The following THSD7A variants were observed in gnomAD, a reference collection of about 807,000 sequenced individuals.
THSD7A encodes the protein thrombospondin type 1 domain containing 7A.
A neutral mutation model predicts 231.3 loss-of-function variants in THSD7A; 96 were observed. The ratio of observed to expected loss-of-function variants is 0.41; its 90% CI spans 0.35 to 0.49. THSD7A has a LOEUF of 0.49. THSD7A is among the 20% of genes least tolerant of loss of function. THSD7A has a pLI of 0.05. For missense variants in THSD7A, 2,290 were observed against 2,070.2 expected, an observed-to-expected ratio of 1.11 and a Z score of -2.06; for synonymous variants, 940 against 743.3, an observed-to-expected ratio of 1.26 and a Z score of -4.30.
rs777139254 is a variant in THSD7A, at chr7:11,713,126, G to C, written c.191-76165C>G. ...CTTGATCTATAGTTCCAAAGCCATG[G>C]CTCATTAATTAGCACAGTTCTGCAT... On this transcript the variant is annotated intron_variant, in intron 1 of 27. Transcript: ENST00000423059. Among the ~76,000 whole-genome samples, 7 of 151,236 alleles carry C rather than the reference G, an allele frequency of 4.6e-5. No individual in the cohort carries two copies. The South Asian group carries it at 1.5e-3, about 31-fold the overall frequency.
At chr7:11,652,255 G>GA (rs796997435) in intron 1 of THSD7A, among the ~76,000 whole-genome samples, 6 of 151,764 alleles carry the variant, frequency 4.0e-5, no homozygotes, top group Admixed American at 2.6e-4. Flanking sequence ...AAAAAGAGAG[G>GA]AAAAAATGTC....
chr7:11,816,223 AC>A (rs1305820186), intron 1 of THSD7A, among the ~76,000 whole-genome samples: 1 of 152,208 alleles, frequency 6.6e-6, no homozygotes, highest in Non-Finnish European at 1.5e-5. Flanking sequence ...TAAAATAGGT[AC>A]TAAGTGCCTG....
At chr7:11,746,296 C>G (rs908294496) in intron 1 of THSD7A, among the ~76,000 whole-genome samples, 1 of 151,806 alleles carries the variant, frequency 6.6e-6, no homozygotes, top group South Asian at 2.1e-4. Context: ...TTTAGCAAAA[C>G]TAAGAAATTG....
intron 2 of THSD7A, among the ~76,000 whole-genome samples, chr7:11,631,974 T>C (rs1286323754): frequency 6.6e-6 from 1 of 152,182 alleles, no homozygotes; most frequent in Non-Finnish European, 1.5e-5. Flanking sequence ...TGCCCTTGGC[T>C]GGGATCTGGG....
chr7:11,625,662 GT>G (rs1446146105), intron 2 of THSD7A, among the ~76,000 whole-genome samples: 1 of 151,784 alleles, frequency 6.6e-6, no homozygotes, highest in African/African-American at 2.4e-5. Context: ...AATATAATGT[GT>G]TAGCAGACTC....
At chr7:11,625,569 A>G (rs773050087) in intron 2 of THSD7A, among the ~76,000 whole-genome samples, 1 of 151,974 alleles carries the variant, frequency 6.6e-6, no homozygotes, top group African/African-American at 2.4e-5. Context: ...ATGAGATTTT[A>G]AAAAAAATAA....
At chr7:11,435,178 A>G (rs1018315698) in intron 13 of THSD7A, among the ~76,000 whole-genome samples, 1 of 151,992 alleles carries the variant, frequency 6.6e-6, no homozygotes, top group African/African-American at 2.4e-5. Context: ...TTTCAGATTC[A>G]TTGAGTGATA....
chr7:11,530,549 T>C (rs1194984873), intron 6 of THSD7A, among the ~76,000 whole-genome samples: 2 of 152,134 alleles, frequency 1.3e-5, no homozygotes, highest in African/African-American at 4.8e-5. Flanking sequence ...GAAGGAATAG[T>C]GGGGAATAGT....
intron 23 of THSD7A, among the ~76,000 whole-genome samples, chr7:11,393,016 C>T (rs1397825608): frequency 6.6e-6 from 1 of 152,158 alleles, no homozygotes; most frequent in Non-Finnish European, 1.5e-5. Flanking sequence ...AGTAGATCTC[C>T]CAGCACAGTG....
chr7:11,719,020 C>T (rs933450845), intron 1 of THSD7A, among the ~76,000 whole-genome samples: 4 of 151,484 alleles, frequency 2.6e-5, no homozygotes, highest in Non-Finnish European at 4.4e-5. Flanking sequence ...AAAAGAAGAG[C>T]AGGACTATGT....
At chr7:11,693,795 G>A (rs1437598254) in intron 1 of THSD7A, among the ~76,000 whole-genome samples, 2 of 151,324 alleles carry the variant, frequency 1.3e-5, no homozygotes, top group East Asian at 2.0e-4. Context: ...CATGACATAT[G>A]GTAGCTGTTC....
intron 1 of THSD7A, among the ~76,000 whole-genome samples, chr7:11,781,856 AT>A (rs930193110): frequency 6.6e-6 from 1 of 152,012 alleles, no homozygotes; most frequent in African/African-American, 2.4e-5. Context: ...AAAAAAGTGC[AT>A]TTTTTTTCTA....
chr7:11,746,818 C>A (rs190762222), intron 1 of THSD7A, among the ~76,000 whole-genome samples: 13 of 151,722 alleles, frequency 8.6e-5, no homozygotes, highest in African/African-American at 2.9e-4. Flanking sequence ...CTAGAGGGTG[C>A]GTTAAACTGT....
At chr7:11,489,453 C>A (rs1157913422) in intron 6 of THSD7A, among the ~76,000 whole-genome samples, 3 of 152,182 alleles carry the variant, frequency 2.0e-5, no homozygotes, top group African/African-American at 7.2e-5. Context: ...AATCTTCTCC[C>A]AGCCTCTTGC....
intron 1 of THSD7A, among the ~76,000 whole-genome samples, chr7:11,716,958 C>A (rs780703870): frequency 1.3e-5 from 2 of 151,704 alleles, no homozygotes; most frequent in South Asian, 4.1e-4. Context: ...AATAGAACCA[C>A]CTTTCTCACC....
intron 1 of THSD7A, among the ~76,000 whole-genome samples, chr7:11,695,434 C>T (rs951391420): frequency 6.6e-6 from 1 of 151,414 alleles, no homozygotes; most frequent in Non-Finnish European, 1.5e-5. Context: ...CAATAGCCTA[C>T]TTAGTATTGA....
At chr7:11,677,006 G>C (rs1028083988) in intron 1 of THSD7A, among the ~76,000 whole-genome samples, 1 of 152,112 alleles carries the variant, frequency 6.6e-6, no homozygotes, top group Non-Finnish European at 1.5e-5. Flanking sequence ...AATGTTAAGG[G>C]CAGTGAGAGA....
rs113264032 is a variant in THSD7A at position 11,596,458 on chromosome 7, T to C, written c.1023-2956A>G. Among the ~76,000 whole-genome samples, 30 of 152,284 alleles carry C rather than the reference T, an allele frequency of 2.0e-4. 3 individuals are homozygous for C. The highest frequency in any genetic ancestry group is 7.2e-4 in the African/African-American group (30 of 41,544). On this transcript the variant is annotated intron_variant, in intron 2 of 27. Coordinates refer to ENST00000423059, the MANE Select transcript of THSD7A (RefSeq NM_015204.3). ...TGTGGTCGTTTCCCCAGGGCCAGAA[T>C]GCATAATTGGCATAGACATACTTAG...
At chr7:11,500,435 A>G (rs1345620686) in intron 6 of THSD7A, among the ~76,000 whole-genome samples, 1 of 152,168 alleles carries the variant, frequency 6.6e-6, no homozygotes, top group Non-Finnish European at 1.5e-5. Context: ...AGCTAACAGC[A>G]CAATGATAGG....
Sources: allele counts gnomAD v4.1 joint callset (sites outside exome capture counted in the v4.1 genomes callset), GRCh38; gene constraint gnomAD v4.1.1; transcripts MANE v1.5; gene names NCBI Gene and HGNC (gene_info 2026-07-23, HGNC 2026-07-21).